Variants in NEURL1B observed in about 807,000 individuals in gnomAD.
The protein encoded by NEURL1B is E3 ubiquitin-protein ligase NEURL1B.
A neutral mutation model predicts 37.4 loss-of-function variants in NEURL1B; 13 were observed. The observed-to-expected ratio is 0.35, with a 90% confidence interval of 0.23 to 0.55. The LOEUF (loss-of-function observed/expected upper bound fraction) is 0.55. NEURL1B is among the 20% of genes least tolerant of loss of function. The probability of loss-of-function intolerance (pLI) is 0.89; values close to 1 mark genes in which losing one functional copy is unlikely to be tolerated. For synonymous variants in NEURL1B, 432 were observed against 426.6 expected (o/e 1.01, Z -0.16); for missense variants, 790 against 879.2 (o/e 0.90, Z 1.28).
chr5:172,652,007 C>A (rs1211152158), intron 1 of NEURL1B, among the ~76,000 whole-genome samples: 1 of 152,232 alleles, frequency 6.6e-6, no homozygotes, highest in Non-Finnish European at 1.5e-5. Context: ...AGGTCCACCA[C>A]AATACCACCA....
In NEURL1B at chr5:172,657,829, A is replaced by T. The variant is rs985598358; in HGVS notation, c.32-11956A>T. Among the ~76,000 whole-genome samples, 1 of 152,170 alleles carries T rather than the reference A, an allele frequency of 6.6e-6. No individual in the cohort carries two copies. Among genetic ancestry groups the T allele is most frequent in the African/African-American group, 2.4e-5 (1 of 41,430 alleles). On this transcript the variant is annotated intron_variant, in intron 1 of 4. Coordinates refer to ENST00000369800, the MANE Select transcript of NEURL1B (RefSeq NM_001142651.3). This position sits in a 1 kb window ranked among gnomAD's most constrained non-coding sequence, Gnocchi z 4.0. ...CCCCTCCCTGTGGTGCTGTGCTTCA[A>T]TGGGCACACTCCTCGTCCACTTTCA...
rs1380683632 is a variant in NEURL1B, at chr5:172,675,326, C to T, written c.577+4996C>T. ...ATGCCTATCTGGTTCCTTTCTCCCT[C>T]GTGGCTCCTGCCCATTGATGGACAC... On this transcript the variant is annotated intron_variant, in intron 2 of 4. Transcript: ENST00000369800. This position sits in a 1 kb window ranked among gnomAD's most constrained non-coding sequence, Gnocchi z 4.7. Among the ~76,000 whole-genome samples, 1 of 152,128 alleles carries T rather than the reference C, an allele frequency of 6.6e-6. No individual in the cohort carries two copies. Among genetic ancestry groups the T allele is most frequent in the African/African-American group, 2.4e-5 (1 of 41,414 alleles).
intron 1 of NEURL1B, among the ~76,000 whole-genome samples, chr5:172,663,411 C>T (rs2113291680): frequency 6.6e-6 from 1 of 151,456 alleles, no homozygotes; most frequent in East Asian, 1.9e-4. Flanking sequence ...GTCCCAGCTA[C>T]TCAGGAGGCT....
intron 2 of NEURL1B, among the ~76,000 whole-genome samples, chr5:172,680,543 G>C (rs1176140970): frequency 6.6e-6 from 1 of 152,126 alleles, no homozygotes; most frequent in African/African-American, 2.4e-5. Context: ...TGTCTAAAAT[G>C]CCTTTTCAAA....
chr5:172,648,044 C>T (rs937648182), intron 1 of NEURL1B, among the ~76,000 whole-genome samples: 3 of 152,194 alleles, frequency 2.0e-5, no homozygotes, highest in Non-Finnish European at 4.4e-5. Context: ...CATCCAGGGC[C>T]CGCGTCTGTC....
chr5:172,663,692 G>T (rs1757947850), intron 1 of NEURL1B, among the ~76,000 whole-genome samples: 1 of 151,740 alleles, frequency 6.6e-6, no homozygotes, highest in Admixed American at 6.6e-5. Context: ...GTCAGAAGTG[G>T]GGGGCACGGC....
In NEURL1B at chr5:172,690,693, C is replaced by T. The variant is rs968212280; in HGVS notation, c.*3768C>T. Reference sequence around the variant, plus strand: ...GTTGAGGTGGGTGCCCAAAGGCTGCCTTCTTGACCAGAACCTGCTGTGCGC... The same window carrying T: ...GTTGAGGTGGGTGCCCAAAGGCTGCTTTCTTGACCAGAACCTGCTGTGCGC... On this transcript the variant is annotated 3_prime_UTR_variant, in exon 5 of 5. Coordinates refer to ENST00000369800, the MANE Select transcript of NEURL1B (RefSeq NM_001142651.3). 6.6e-6 allele frequency: 1 copy of T among 152,204 alleles called. No homozygotes were observed. The highest frequency in any genetic ancestry group is 2.4e-5 in the African/African-American group (1 of 41,422). The allele number at this position is 152,204 out of a possible 1,614,324, so 9.4% of individuals were successfully genotyped here.
intron 1 of NEURL1B, among the ~76,000 whole-genome samples, chr5:172,644,349 T>C (rs1196125290): frequency 6.6e-6 from 1 of 152,122 alleles, no homozygotes; most frequent in African/African-American, 2.4e-5. Flanking sequence ...GGATTGCAAT[T>C]TAGGTTAACT....
chr5:172,670,397 C>A, intron 2 of NEURL1B, 67 bp downstream of exon 2: 1 of 1,225,032 alleles, frequency 8.2e-7, no homozygotes, highest in Non-Finnish European at 1.1e-6. Flanking sequence ...GTGTGTGTTT[C>A]ATTAGTAGCC....
chr5:172,674,466 C>T (rs1456664359), intron 2 of NEURL1B, among the ~76,000 whole-genome samples: 1 of 152,154 alleles, frequency 6.6e-6, no homozygotes, highest in African/African-American at 2.4e-5. Flanking sequence ...CTTAGAACCA[C>T]CAAGACGGTC....
intron 2 of NEURL1B, among the ~76,000 whole-genome samples, chr5:172,682,713 C>G (rs934715322): frequency 2.1e-4 from 32 of 152,346 alleles, no homozygotes; most frequent in African/African-American, 7.7e-4. Flanking sequence ...GCAGTGAGGA[C>G]AGACCCAGGT....
intron 1 of NEURL1B, among the ~76,000 whole-genome samples, chr5:172,649,244 A>G (rs899608633): frequency 6.6e-6 from 1 of 151,298 alleles, no homozygotes; most frequent in Non-Finnish European, 1.5e-5. Context: ...TATCCAATGC[A>G]TCTCAGATGA....
At position 172,665,394 on chromosome 5, in the gene NEURL1B, C is replaced by G. The variant is rs1168593245; in HGVS notation, c.32-4391C>G. Among the ~76,000 whole-genome samples the G allele has an allele frequency of 6.6e-6, 1 of 152,194 alleles. No homozygotes were observed. Among genetic ancestry groups the G allele is most frequent in the Non-Finnish European group, 1.5e-5 (1 of 68,024 alleles). On this transcript the variant is annotated intron_variant, in intron 1 of 4. Coordinates refer to ENST00000369800, the MANE Select transcript of NEURL1B (RefSeq NM_001142651.3). This position sits in a 1 kb window ranked among gnomAD's most constrained non-coding sequence, Gnocchi z 4.1. ...CTGCTCACTTGGGATTTGTCCATTC[C>G]TCTTAACCTCGTGGTTCTAGAGATG...
intron 1 of NEURL1B, among the ~76,000 whole-genome samples, chr5:172,660,599 C>T (rs1323659269): frequency 6.6e-6 from 1 of 152,150 alleles, no homozygotes; most frequent in African/African-American, 2.4e-5. Context: ...CTGTCACTGC[C>T]CCATTTGGCA....
At position 172,641,345 on chromosome 5, in the gene NEURL1B, C is replaced by T; in HGVS notation, c.-62C>T. The T allele has an allele frequency of 7.3e-7, 1 of 1,366,018 alleles. No homozygotes were observed. Among genetic ancestry groups the T allele is most frequent in the Non-Finnish European group, 9.4e-7 (1 of 1,058,256 alleles). The allele number at this position is 1,366,018 out of a possible 1,614,324, so 84.6% of individuals were successfully genotyped here. Reference sequence around the variant, plus strand: ...GACCCCGGTCCTGGTCCCTGGCCCGCCGCGTAATTAGCCTCCGCGCGCCCA... The same window carrying T: ...GACCCCGGTCCTGGTCCCTGGCCCGTCGCGTAATTAGCCTCCGCGCGCCCA... On this transcript the variant is annotated 5_prime_UTR_variant, in exon 1 of 5. Transcript: ENST00000369800. This position sits in a 1 kb window ranked among gnomAD's most constrained non-coding sequence, Gnocchi z 6.4.
At chr5:172,668,950 C>T (rs577761764) in intron 1 of NEURL1B, among the ~76,000 whole-genome samples, 103 of 152,280 alleles carry the variant, frequency 6.8e-4, no homozygotes, top group Middle Eastern at 3.4e-3. Context: ...GTGTCCGTTC[C>T]GGAAAAGCCA....
At chr5:172,651,193 T>C (rs1266518931) in intron 1 of NEURL1B, among the ~76,000 whole-genome samples, 1 of 152,238 alleles carries the variant, frequency 6.6e-6, no homozygotes, top group Non-Finnish European at 1.5e-5. Context: ...TTTCAAACTT[T>C]TTTTAACATG....
Position 172,689,361 on chromosome 5 carries a change from A to G in NEURL1B, c.*2436A>G, listed in dbSNP as rs1447646711. The stretch of plus-strand genomic sequence containing the variant: ...AGCGTGCCTTGGCACTGGGCTAGAG[A>G]GGCACCTTCCTGCGTGAATCCTGTG... On this transcript the variant is annotated 3_prime_UTR_variant, in exon 5 of 5. Coordinates refer to ENST00000369800, the MANE Select transcript of NEURL1B (RefSeq NM_001142651.3). The G allele has an allele frequency of 6.6e-6, 1 of 152,210 alleles. No individual in the cohort carries two copies. The highest frequency in any genetic ancestry group is 2.4e-5 in the African/African-American group (1 of 41,436). 9.4% of individuals were successfully genotyped at this position (152,210 alleles called of 1,614,324 possible).
At chr5:172,649,086 A>G (rs1324231608) in intron 1 of NEURL1B, among the ~76,000 whole-genome samples, 1 of 152,162 alleles carries the variant, frequency 6.6e-6, no homozygotes, top group African/African-American at 2.4e-5. Flanking sequence ...GTAGACATCA[A>G]AGGAGAGCAG....
Sources: allele counts gnomAD v4.1 joint callset (sites outside exome capture counted in the v4.1 genomes callset), GRCh38; gene constraint gnomAD v4.1.1; non-coding constraint Gnocchi (gnomAD v3.1); transcripts MANE v1.5; gene names NCBI Gene and HGNC (gene_info 2026-07-23, HGNC 2026-07-21).